The following TACR3 variants were observed in gnomAD, a reference collection of about 807,000 sequenced individuals.
TACR3 encodes the protein neuromedin-K receptor.
TACR3 carries 34 observed loss-of-function variants against 35.0 expected under a neutral mutation model. The observed-to-expected ratio is 0.97, with a 90% CI of 0.74 to 1.30. The LOEUF is 1.30. Among genes scored for constraint, TACR3 ranks in the 50% most tolerant of loss-of-function variants. TACR3 has a pLI of 0.00. For synonymous variants in TACR3, 233 were observed against 221.1 expected (o/e 1.05, Z -0.48); for missense variants, 558 against 591.7 (o/e 0.94, Z 0.59).
chr4:103,658,088 T>C (rs1725768172), intron 2 of TACR3, 127 bp downstream of exon 2: 1 of 929,698 alleles, frequency 1.1e-6, no homozygotes, highest in Non-Finnish European at 1.7e-6. Flanking sequence ...TTTTTATATA[T>C]TTCCTTTTCC....
chr4:103,666,075 C>G (rs1044618470), intron 1 of TACR3, among the ~76,000 whole-genome samples: 4 of 152,136 alleles, frequency 2.6e-5, no homozygotes, highest in African/African-American at 9.7e-5. Context: ...CCCTCACTCC[C>G]TCATTAAACT....
intron 1 of TACR3, among the ~76,000 whole-genome samples, chr4:103,690,587 A>T (rs1311722093): frequency 6.6e-6 from 1 of 152,138 alleles, no homozygotes; most frequent in African/African-American, 2.4e-5. Context: ...AGAATTAGAA[A>T]ATCAGCAAGA....
intron 3 of TACR3, among the ~76,000 whole-genome samples, chr4:103,623,219 A>ATAC (rs1724822197): frequency 6.6e-6 from 1 of 152,158 alleles, no homozygotes; most frequent in Non-Finnish European, 1.5e-5. Flanking sequence ...ACATGTATTT[A>ATAC]AAATTTATAC....
chr4:103,627,359 A>C (rs1244234812), intron 3 of TACR3, among the ~76,000 whole-genome samples: 7 of 111,168 alleles, frequency 6.3e-5, no homozygotes, highest in African/African-American at 2.5e-4. Flanking sequence ...CATTAAAAAA[A>C]AAAAAAAAAA....
rs376615881 is a variant in TACR3, at chr4:103,697,067, C to T, written c.548+22061G>A. Among the ~76,000 whole-genome samples, 5 of 152,266 alleles carry T rather than the reference C, an allele frequency of 3.3e-5. No homozygotes were observed. The East Asian group carries it at 9.7e-4, about 29-fold the overall frequency. On this transcript the variant is annotated intron_variant, in intron 1 of 4. Coordinates refer to ENST00000304883, the MANE Select transcript of TACR3 (RefSeq NM_001059.3). Reference sequence around the variant, plus strand: ...GCGCTGGGATTACAGGTGTGAGCCACTGTTCCAGGTCTTGATTAGCCATTT... The same window carrying T: ...GCGCTGGGATTACAGGTGTGAGCCATTGTTCCAGGTCTTGATTAGCCATTT...
intron 1 of TACR3, among the ~76,000 whole-genome samples, chr4:103,679,854 G>T (rs1015083906): frequency 2.0e-5 from 3 of 151,708 alleles, no homozygotes; most frequent in Non-Finnish European, 4.4e-5. Context: ...CTAACAAAAG[G>T]TACACTGGAA....
chr4:103,593,385 A>G (rs2110284166), intron 3 of TACR3: 1 of 152,304 alleles, frequency 6.6e-6, no homozygotes, highest in African/African-American at 2.4e-5. Flanking sequence ...AATGTAATGA[A>G]AAAAAGGAAA....
intron 3 of TACR3, among the ~76,000 whole-genome samples, chr4:103,615,981 G>A (rs769041601): frequency 1.1e-4 from 16 of 151,954 alleles, no homozygotes; most frequent in African/African-American, 3.4e-4. Flanking sequence ...TGACAATTCC[G>A]GAAATACATT....
intron 1 of TACR3, among the ~76,000 whole-genome samples, chr4:103,703,403 A>G (rs941528857): frequency 1.3e-5 from 2 of 152,132 alleles, no homozygotes; most frequent in African/African-American, 4.8e-5. Context: ...TAGATGATGA[A>G]AAAAAGAAAA....
At chr4:103,608,666 AAT>A (rs1248444103) in intron 3 of TACR3, among the ~76,000 whole-genome samples, 8 of 152,282 alleles carry the variant, frequency 5.3e-5, no homozygotes, top group African/African-American at 1.9e-4. Flanking sequence ...AAGGTGTTTG[AAT>A]GCTATTGGAA....
At chr4:103,716,580 T>C (rs1723095829) in intron 1 of TACR3, among the ~76,000 whole-genome samples, 1 of 152,070 alleles carries the variant, frequency 6.6e-6, no homozygotes, top group African/African-American at 2.4e-5. Flanking sequence ...AGCTTAAGGT[T>C]CTCCATTTGT....
rs28870483 is a variant in TACR3, at chr4:103,597,454, T to A, written c.889-5771A>T. 2.0e-3 allele frequency among the ~76,000 whole-genome samples: 299 copies of A among 152,214 alleles called. 1 individual carries two copies. In the Middle Eastern group the frequency reaches 0.024, roughly 12 times the overall value. On this transcript the variant is annotated intron_variant, in intron 3 of 4. Transcript: ENST00000304883. ...TTGTTTTGATTAGAATCCTTTTTTT[T>A]AAATTTTATTATTATTATACTTTAA... is the stretch of plus-strand genomic sequence containing the variant.
chr4:103,625,772 C>CT (rs1203336881), intron 3 of TACR3, among the ~76,000 whole-genome samples: 1 of 152,110 alleles, frequency 6.6e-6, no homozygotes, highest in Non-Finnish European at 1.5e-5. Flanking sequence ...CTATGTCCTC[C>CT]TAAAATTTTT....
intron 3 of TACR3, among the ~76,000 whole-genome samples, chr4:103,649,640 C>T (rs1263260024): frequency 6.6e-6 from 1 of 151,946 alleles, no homozygotes; most frequent in Non-Finnish European, 1.5e-5. Context: ...TAATGCATTC[C>T]TCAGTATATA....
intron 1 of TACR3, among the ~76,000 whole-genome samples, chr4:103,701,239 T>A (rs1237116105): frequency 1.3e-5 from 2 of 151,998 alleles, no homozygotes; most frequent in African/African-American, 4.8e-5. Context: ...ATCACAAGCA[T>A]TCTTATACAC....
intron 3 of TACR3, among the ~76,000 whole-genome samples, chr4:103,651,738 C>T (rs1438235737): frequency 1.3e-5 from 2 of 151,966 alleles, no homozygotes; most frequent in Non-Finnish European, 2.9e-5. Context: ...CACCCAAGGC[C>T]CATGGTGTAC....
chr4:103,712,060 C>T (rs1309513292), intron 1 of TACR3, among the ~76,000 whole-genome samples: 8 of 152,194 alleles, frequency 5.3e-5, no homozygotes, highest in Non-Finnish European at 8.8e-5. Context: ...GTGAAAATGG[C>T]CATACTGCCC....
At chr4:103,594,472 C>T (rs1407959413) in intron 3 of TACR3, among the ~76,000 whole-genome samples, 4 of 152,046 alleles carry the variant, frequency 2.6e-5, no homozygotes, top group East Asian at 3.8e-4. Flanking sequence ...ACACTGCACC[C>T]GGCCTAATAT....
chr4:103,697,125 G>C (rs1355295838), intron 1 of TACR3, among the ~76,000 whole-genome samples: 4 of 152,116 alleles, frequency 2.6e-5, no homozygotes, highest in African/African-American at 9.7e-5. Context: ...ACACTGGAAA[G>C]CACTTGGGCA....
Sources: allele counts gnomAD v4.1 joint callset (sites outside exome capture counted in the v4.1 genomes callset), GRCh38; gene constraint gnomAD v4.1.1; transcripts MANE v1.5; gene names NCBI Gene and HGNC (gene_info 2026-07-23, HGNC 2026-07-21).